ZNF704: variants seen among roughly 807,000 people sequenced by gnomAD.
The protein encoded by ZNF704 is zinc finger protein 704.
ZNF704 carries 10 observed loss-of-function variants against 44.7 expected under a neutral mutation model. The observed-to-expected ratio is 0.22, with a 90% CI of 0.14 to 0.38. The LOEUF (loss-of-function observed/expected upper bound fraction) is 0.38, where lower values mean the gene tolerates loss of function less well. Ranked by LOEUF, ZNF704 falls within the 10% of genes least tolerant of loss-of-function variation. The pLI is 1.00. For synonymous variants in ZNF704, 211 were observed against 207.6 expected (o/e 1.02, Z -0.14); for missense variants, 390 against 545.5 (o/e 0.71, Z 2.84).
chr8:80,823,147 G>C (rs988232365), intron 1 of ZNF704, among the ~76,000 whole-genome samples: 120 of 152,174 alleles, frequency 7.9e-4, no homozygotes, highest in African/African-American at 2.8e-3. Flanking sequence ...GAAGTGCAAA[G>C]GGTCAGGGAA....
In ZNF704 at chr8:80,628,451, TAGA is replaced by T. The variant is rs1232211358; in HGVS notation, c.*12912_*12914del. ...TTAATTAAATAAATTGGTCTCCGAA[TAGA>T]AGCAGATACACAAAAACTTTTATTA... On this transcript the variant is annotated 3_prime_UTR_variant, in exon 9 of 9. Coordinates refer to ENST00000327835, the MANE Select transcript of ZNF704 (RefSeq NM_001033723.3). 1 of 152,250 alleles carries T rather than the reference TAGA, an allele frequency of 6.6e-6. No homozygotes were observed. Among genetic ancestry groups the T allele is most frequent in the Non-Finnish European group, 1.5e-5 (1 of 68,044 alleles). 9.4% of individuals were successfully genotyped at this position (152,250 alleles called of 1,614,324 possible). A position where few individuals can be genotyped will look rare whatever the true frequency, so the allele number is the denominator to read the frequency against.
At chr8:80,787,843 G>T (rs1479349930) in intron 2 of ZNF704, among the ~76,000 whole-genome samples, 1 of 152,076 alleles carries the variant, frequency 6.6e-6, no homozygotes, top group African/African-American at 2.4e-5. Flanking sequence ...AAATTATAAA[G>T]GAATTTATTT....
chr8:80,851,482 C>A (rs1808862761), intron 1 of ZNF704, among the ~76,000 whole-genome samples: 1 of 150,654 alleles, frequency 6.6e-6, no homozygotes, highest in Admixed American at 6.7e-5. Flanking sequence ...GGACAAAAAA[C>A]CAAACACCAC....
At chr8:80,849,609 A>G (rs1808824101) in intron 1 of ZNF704, among the ~76,000 whole-genome samples, 1 of 152,212 alleles carries the variant, frequency 6.6e-6, no homozygotes, top group Non-Finnish European at 1.5e-5. Flanking sequence ...CTTGGCAACC[A>G]AACACTGTAA....
chr8:80,785,241 G>GT (rs1807595137), intron 2 of ZNF704, among the ~76,000 whole-genome samples: 1 of 152,172 alleles, frequency 6.6e-6, no homozygotes, highest in African/African-American at 2.4e-5. Flanking sequence ...TTGGTCTGAT[G>GT]TTTTTCACTT....
At chr8:80,678,104 A>G (rs1025551759) in intron 4 of ZNF704, among the ~76,000 whole-genome samples, 3 of 152,232 alleles carry the variant, frequency 2.0e-5, no homozygotes, top group Non-Finnish European at 4.4e-5. Context: ...TCACCACCAG[A>G]CAATGGAAAA....
rs191511778 is a variant in ZNF704, at chr8:80,808,696, G to A, written c.221+12678C>T. Among the ~76,000 whole-genome samples the A allele has an allele frequency of 5.3e-5, 8 of 152,278 alleles. No homozygotes were observed. The East Asian group carries it at 7.7e-4, about 15-fold the overall frequency. On this transcript the variant is annotated intron_variant, in intron 2 of 8. Transcript: ENST00000327835. ...GCTGTCTGGCACTTTCAACGTGATC[G>A]TTTGATACAATCATTAAGACTAGCT...
In ZNF704 at chr8:80,640,222, T is replaced by C. The variant is rs1306085485; in HGVS notation, c.*1144A>G. 6.6e-6 allele frequency: 1 copy of C among 152,652 alleles called. No homozygotes were observed. The highest frequency in any genetic ancestry group is 2.4e-5 in the African/African-American group (1 of 41,456). The allele number at this position is 152,652 out of a possible 1,614,324, so 9.5% of individuals were successfully genotyped here. On this transcript the variant is annotated 3_prime_UTR_variant, in exon 9 of 9. Coordinates refer to ENST00000327835, the MANE Select transcript of ZNF704 (RefSeq NM_001033723.3). ...ACTCACATAATGTTTATATTGTTAATTAACTCATCTCCCGGACATGCTAAA... is the reference window on the plus strand; with the variant it reads ...ACTCACATAATGTTTATATTGTTAACTAACTCATCTCCCGGACATGCTAAA...
intron 2 of ZNF704, among the ~76,000 whole-genome samples, chr8:80,722,618 C>T (rs1806392433): frequency 1.3e-5 from 2 of 152,204 alleles, no homozygotes; most frequent in Non-Finnish European, 2.9e-5. Context: ...GTAGTGTTTG[C>T]AGCACCTAGT....
chr8:80,732,477 C>T (rs1806597616), intron 2 of ZNF704, among the ~76,000 whole-genome samples: 1 of 152,188 alleles, frequency 6.6e-6, no homozygotes, highest in African/African-American at 2.4e-5. Flanking sequence ...ATTTCTAGTT[C>T]TGAGGAAAAC....
chr8:80,672,113 G>A (rs1304942848), intron 4 of ZNF704, among the ~76,000 whole-genome samples: 1 of 152,116 alleles, frequency 6.6e-6, no homozygotes, highest in Non-Finnish European at 1.5e-5. Context: ...CAAAGGACAT[G>A]AACAGACATT....
chr8:80,811,936 C>G (rs1009339373), intron 2 of ZNF704, among the ~76,000 whole-genome samples: 7 of 152,128 alleles, frequency 4.6e-5, no homozygotes, highest in African/African-American at 7.2e-5. Context: ...CTATTGTGAA[C>G]TGCGCATGTG....
At chr8:80,876,673 G>A (rs570446979), upstream of ZNF704, among the ~76,000 whole-genome samples, 1 of 152,294 alleles carries the variant, frequency 6.6e-6, no homozygotes, top group Non-Finnish European at 1.5e-5. Context: ...GGGGATCATA[G>A]TAGTAAAGTT....
chr8:80,702,826 C>T (rs1008694368), intron 2 of ZNF704, among the ~76,000 whole-genome samples: 26 of 152,178 alleles, frequency 1.7e-4, no homozygotes, highest in African/African-American at 5.5e-4. Context: ...GTGAAAGTCG[C>T]TGGATCGGAA....
intron 2 of ZNF704, among the ~76,000 whole-genome samples, chr8:80,760,523 G>T (rs1202875308): frequency 6.6e-6 from 1 of 151,920 alleles, no homozygotes; most frequent in Non-Finnish European, 1.5e-5. Flanking sequence ...GGGTGTGGTG[G>T]CATACGCCTG....
chr8:80,662,073 A>AT (rs1818110570), intron 6 of ZNF704, among the ~76,000 whole-genome samples: 1 of 152,204 alleles, frequency 6.6e-6, no homozygotes, highest in South Asian at 2.1e-4. Flanking sequence ...ACGTATAAAT[A>AT]TTAGGCATCA....
In ZNF704 at chr8:80,638,813, C is replaced by T. The variant is rs1817699155; in HGVS notation, c.*2553G>A. 2 of 152,316 alleles carry T rather than the reference C, an allele frequency of 1.3e-5. No homozygotes were observed. Among genetic ancestry groups the T allele is most frequent in the South Asian group, 2.1e-4 (1 of 4,814 alleles). 9.4% of individuals were successfully genotyped at this position (152,316 alleles called of 1,614,324 possible). ...AGCCAGAAAAGAAAGTACACAGAGC[C>T]GTGGGCTAGCAGGCAGAAAGCAGCC... On this transcript the variant is annotated 3_prime_UTR_variant, in exon 9 of 9. Coordinates refer to ENST00000327835, the MANE Select transcript of ZNF704 (RefSeq NM_001033723.3).
intron 2 of ZNF704, among the ~76,000 whole-genome samples, chr8:80,734,806 G>A (rs569269096): frequency 7.2e-5 from 11 of 152,252 alleles, no homozygotes; most frequent in Admixed American, 1.3e-4. Flanking sequence ...TTTCACTATC[G>A]TCACTATCTA....
intron 2 of ZNF704, among the ~76,000 whole-genome samples, chr8:80,805,520 G>A (rs1306437561): frequency 2.0e-5 from 3 of 152,178 alleles, no homozygotes; most frequent in Non-Finnish European, 4.4e-5. Flanking sequence ...TAAGAGAAAT[G>A]TAGAAAGTCC....
Sources: allele counts gnomAD v4.1 joint callset (sites outside exome capture counted in the v4.1 genomes callset), GRCh38; gene constraint gnomAD v4.1.1; transcripts MANE v1.5; gene names NCBI Gene and HGNC (gene_info 2026-07-23, HGNC 2026-07-21).